Variants in ITGA9 observed in about 807,000 individuals in gnomAD.
The protein encoded by ITGA9 is integrin alpha-9.
ITGA9 carries 56 observed loss-of-function variants against 127.8 expected under a neutral mutation model. The ratio of observed to expected loss-of-function variants is 0.44; its 90% CI spans 0.35 to 0.55. The LOEUF (loss-of-function observed/expected upper bound fraction) is 0.55. Ranked by LOEUF, ITGA9 falls within the 20% of genes least tolerant of loss-of-function variation. ITGA9 has a pLI of 0.00. For missense variants in ITGA9, 1,196 were observed against 1,347.1 expected (o/e 0.89, Z 1.76); for synonymous variants, 508 against 514.5 (o/e 0.99, Z 0.17).
chr3:37,729,493 T>A (rs1696259797), intron 18 of ITGA9, among the ~76,000 whole-genome samples: 1 of 152,150 alleles, frequency 6.6e-6, no homozygotes, highest in South Asian at 2.1e-4. Context: ...GTTAAATAAA[T>A]GCTGATATAA....
chr3:37,512,117 CTTCTTTCTTTTCTTTTCTTTTCTT>C (rs1223186103), intron 8 of ITGA9, among the ~76,000 whole-genome samples: 1 of 57,668 alleles, frequency 1.7e-5, no homozygotes, highest in African/African-American at 7.9e-5. Context: ...TCCTTCCTTC[CTTCTTTCTTTTCTTTTCTTTTCTT>C]TTCTTTTCTT....
intron 23 of ITGA9, among the ~76,000 whole-genome samples, chr3:37,771,617 G>A (rs755592344): frequency 8.5e-5 from 13 of 152,138 alleles, no homozygotes; most frequent in East Asian, 1.9e-4. Context: ...TGGACAAGTC[G>A]CTGAACTCGG....
chr3:37,716,502 A>G (rs930547560), intron 18 of ITGA9, among the ~76,000 whole-genome samples: 1 of 151,454 alleles, frequency 6.6e-6, no homozygotes, highest in South Asian at 2.1e-4. Flanking sequence ...CAACTTCTGC[A>G]GGCTCAAAGC....
At chr3:37,526,967 A>G (rs1164424048) in intron 13 of ITGA9, among the ~76,000 whole-genome samples, 1 of 152,186 alleles carries the variant, frequency 6.6e-6, no homozygotes, top group African/African-American at 2.4e-5. Flanking sequence ...TGCCCCGGGT[A>G]ACATTAAATC....
rs78083999 is a variant in ITGA9, at chr3:37,759,568, G to C, written c.2541+8999G>C. On this transcript the variant is annotated intron_variant, in intron 23 of 27. Coordinates refer to ENST00000264741, the MANE Select transcript of ITGA9 (RefSeq NM_002207.3). Reference sequence around the variant, plus strand: ...AATTAAATAAATGAATAATAAAATAGATGGAAATTATAAGAACCAAGGGGA... The same window carrying C: ...AATTAAATAAATGAATAATAAAATACATGGAAATTATAAGAACCAAGGGGA... 6.5e-3 allele frequency among the ~76,000 whole-genome samples: 988 copies of C among 152,214 alleles called. 9 individuals are homozygous for C. Among genetic ancestry groups the C allele is most frequent in the Middle Eastern group, 0.027 (8 of 292 alleles).
intron 19 of ITGA9, among the ~76,000 whole-genome samples, chr3:37,733,417 G>T (rs1696320673): frequency 7.0e-6 from 1 of 143,466 alleles, no homozygotes; most frequent in South Asian, 2.2e-4. Context: ...GTAAAAAGAT[G>T]TGGTGATTGG....
intron 1 of ITGA9, among the ~76,000 whole-genome samples, chr3:37,469,223 T>G (rs1698402974): frequency 6.6e-6 from 1 of 152,226 alleles, no homozygotes; most frequent in Non-Finnish European, 1.5e-5. Flanking sequence ...TGGCCCACCC[T>G]AGGCAGCTTT....
At chr3:37,464,116 A>AGTGTGTGTGT (rs10603611) in intron 1 of ITGA9, among the ~76,000 whole-genome samples, 11 of 144,270 alleles carry the variant, frequency 7.6e-5, no homozygotes, top group Admixed American at 1.4e-4. Context: ...AGAAGGTGTG[A>AGTGTGTGTGT]GTGTGTGTGT....
chr3:37,616,853 T>C (rs1299977443), intron 15 of ITGA9, among the ~76,000 whole-genome samples: 1 of 152,250 alleles, frequency 6.6e-6, no homozygotes, highest in Non-Finnish European at 1.5e-5. Context: ...TGAGCCTATG[T>C]GTGTCTCTGC....
chr3:37,549,967 T>C (rs1194003026), intron 15 of ITGA9, among the ~76,000 whole-genome samples: 5 of 152,232 alleles, frequency 3.3e-5, no homozygotes, highest in Admixed American at 3.3e-4. Flanking sequence ...CCCATAATAT[T>C]CAGGTAATAG....
Position 37,508,618 on chromosome 3 carries a change from A to G in ITGA9, c.888A>G (p.Ser296=), listed in dbSNP as rs1250048872. The change falls in exon 8 of 28, where the codon TCA becomes TCG. Residue 296 remains serine, a synonymous_variant. Transcript: ENST00000264741. The stretch of plus-strand genomic sequence containing the variant: ...CCTTAATTAAGATCTTTCAAGCATC[A>G]GGTAAAAAGGTGAGGTTCTTGGTAT... The part of the protein sequence containing the change: ...SGTLIKIFQA[S]GKKMGSYFGS... 1.9e-6 allele frequency: 3 copies of G among 1,612,642 alleles called. No individual in the cohort carries two copies. The highest frequency in any genetic ancestry group is 1.7e-6 in the Non-Finnish European group (2 of 1,178,874).
At chr3:37,538,564 G>A (rs889164479) in intron 14 of ITGA9, among the ~76,000 whole-genome samples, 2 of 152,206 alleles carry the variant, frequency 1.3e-5, no homozygotes, top group African/African-American at 4.8e-5. Flanking sequence ...CCTCATGGCC[G>A]GCTGTGGGCA....
At chr3:37,791,043 C>G (rs1418503272) in intron 26 of ITGA9, 1 of 152,152 alleles carries the variant, frequency 6.6e-6, no homozygotes, top group Non-Finnish European at 1.5e-5. Flanking sequence ...GTTCATCTGT[C>G]TTCGTGCAGC....
intron 18 of ITGA9, among the ~76,000 whole-genome samples, chr3:37,688,892 G>A (rs1368639426): frequency 6.6e-6 from 1 of 152,026 alleles, no homozygotes; most frequent in Non-Finnish European, 1.5e-5. Flanking sequence ...GGGTGGATGA[G>A]TGGGTGGATA....
intron 4 of ITGA9, 26 bp downstream of exon 4, chr3:37,481,633 TC>T (rs1698556546): frequency 6.2e-7 from 1 of 1,613,988 alleles, no homozygotes. Context: ...TTTTTCCTCA[TC>T]CCCCTACCCA....
intron 15 of ITGA9, among the ~76,000 whole-genome samples, chr3:37,601,401 A>G (rs1459672200): frequency 2.0e-5 from 3 of 152,216 alleles, no homozygotes; most frequent in Admixed American, 2.0e-4. Flanking sequence ...AAAGCTAATG[A>G]GAGAGCAGAG....
At chr3:37,742,342 T>G (rs997851201) in intron 21 of ITGA9, among the ~76,000 whole-genome samples, 16 of 152,124 alleles carry the variant, frequency 1.1e-4, no homozygotes, top group African/African-American at 3.9e-4. Flanking sequence ...CTGATGTCTA[T>G]AATGGTCTGG....
intron 26 of ITGA9, among the ~76,000 whole-genome samples, chr3:37,802,209 T>G (rs751286437): frequency 6.6e-6 from 1 of 152,050 alleles, no homozygotes; most frequent in Non-Finnish European, 1.5e-5. Context: ...TTGTATGACT[T>G]AGACAAGAGA....
intron 15 of ITGA9, among the ~76,000 whole-genome samples, chr3:37,602,128 T>C (rs908449749): frequency 2.0e-5 from 3 of 152,152 alleles, no homozygotes; most frequent in Non-Finnish European, 2.9e-5. Context: ...CCTCCAACAC[T>C]GGAGATCAGA....
Sources: allele counts gnomAD v4.1 joint callset (sites outside exome capture counted in the v4.1 genomes callset), GRCh38; gene constraint gnomAD v4.1.1; transcripts MANE v1.5; gene names NCBI Gene and HGNC (gene_info 2026-07-23, HGNC 2026-07-21).